HDAC4: variants seen among roughly 807,000 people sequenced by gnomAD.
HDAC4 encodes histone deacetylase A.
In HDAC4, 16 loss-of-function variants were observed where a neutral mutation model predicts 135.1. That is an observed-to-expected ratio of 0.12 (90% CI 0.08 to 0.18). HDAC4 has a LOEUF of 0.18. HDAC4 is among the 10% of genes least tolerant of loss of function. The pLI, the probability that HDAC4 is intolerant of heterozygous loss-of-function variation, is 1.00. For synonymous variants in HDAC4, 685 were observed against 653.4 expected (o/e 1.05, Z -0.74); for missense variants, 1,143 against 1,511.8 (o/e 0.76, Z 4.05).
chr2:239,374,428 G>T (rs1357293324), intron 1 of HDAC4, among the ~76,000 whole-genome samples: 2 of 101,856 alleles, frequency 2.0e-5, no homozygotes, highest in East Asian at 2.7e-4. Flanking sequence ...TTTTGAGACG[G>T]AGTCTCGCTC....
At chr2:239,374,386 C>CTTT (rs755538495) in intron 1 of HDAC4, among the ~76,000 whole-genome samples, 768 of 56,714 alleles carry the variant, frequency 0.014, 144 homozygotes, top group Non-Finnish European at 0.017. Context: ...GAAAACAAGG[C>CTTT]TTTTTTTTTT....
Position 239,245,505 on chromosome 2 carries a change from G to A in HDAC4, c.23-8841C>T, listed in dbSNP as rs1161064561. ...TGTAGGAATCATGATTCCTTCTGCT[G>A]AGTGTGATAATGGGGTTGGATCTGT... On this transcript the variant is annotated intron_variant, in intron 2 of 26. Transcript: ENST00000543185. This position sits in a 1 kb window ranked among gnomAD's most constrained non-coding sequence, Gnocchi z 4.4. Among the ~76,000 whole-genome samples the A allele has an allele frequency of 6.6e-6, 1 of 152,186 alleles. No individual in the cohort carries two copies. Among genetic ancestry groups the A allele is most frequent in the Non-Finnish European group, 1.5e-5 (1 of 68,030 alleles).
intron 1 of HDAC4, among the ~76,000 whole-genome samples, chr2:239,360,315 G>A (rs989191819): frequency 6.6e-6 from 1 of 152,214 alleles, no homozygotes; most frequent in Non-Finnish European, 1.5e-5. Context: ...ACAGACAGCC[G>A]CAAGGGGACC....
At chr2:239,210,843 G>A (rs557962887) in intron 3 of HDAC4, among the ~76,000 whole-genome samples, 54 of 152,286 alleles carry the variant, frequency 3.5e-4, no homozygotes, top group African/African-American at 1.2e-3. Flanking sequence ...GAACCCTCTC[G>A]AGTGAAAACC....
intron 1 of HDAC4, among the ~76,000 whole-genome samples, chr2:239,391,321 C>G (rs1696190779): frequency 6.6e-6 from 1 of 152,204 alleles, no homozygotes; most frequent in South Asian, 2.1e-4. Flanking sequence ...CAGACGAGAG[C>G]TTGTTCTCAA....
chr2:239,128,832 C>G lies in HDAC4; in HGVS notation c.1295-2138G>C, dbSNP rs3791456. Among the ~76,000 whole-genome samples the G allele has an allele frequency of 7.1e-3, 1,081 of 152,278 alleles. 23 individuals carry two copies. Among genetic ancestry groups the G allele is most frequent in the African/African-American group, 0.024 (1,000 of 41,546 alleles). Reference sequence around the variant, plus strand: ...TGACCCTCTGCAGAGGAGAAGGACACGCCAACTTCATAGGATTCAGCTTCC... The same window carrying G: ...TGACCCTCTGCAGAGGAGAAGGACAGGCCAACTTCATAGGATTCAGCTTCC... On this transcript the variant is annotated intron_variant, in intron 11 of 26. Coordinates refer to ENST00000543185, the MANE Select transcript of HDAC4 (RefSeq NM_001378414.1).
intron 24 of HDAC4, among the ~76,000 whole-genome samples, chr2:239,061,776 C>T (rs1387910777): frequency 2.6e-5 from 4 of 152,268 alleles, no homozygotes; most frequent in Non-Finnish European, 4.4e-5. Context: ...ATAAGCTAAA[C>T]TCCCGGGGGA....
At chr2:239,089,338 G>GT (rs960941915) in intron 18 of HDAC4, among the ~76,000 whole-genome samples, 28 of 151,970 alleles carry the variant, frequency 1.8e-4, no homozygotes, top group Non-Finnish European at 3.2e-4. Flanking sequence ...TAATTTTTTA[G>GT]TTTTTTTTGA....
intron 2 of HDAC4, among the ~76,000 whole-genome samples, chr2:239,322,641 T>G (rs112578946): frequency 2.7e-4 from 41 of 152,338 alleles, no homozygotes; most frequent in African/African-American, 9.6e-4. Flanking sequence ...ACCCCAGTGC[T>G]TACAGCAGCC....
chr2:239,144,303 C>T (rs925273240), intron 8 of HDAC4, among the ~76,000 whole-genome samples: 5 of 152,212 alleles, frequency 3.3e-5, no homozygotes, highest in Non-Finnish European at 7.3e-5. Context: ...ACTGCATCTC[C>T]CGCAGTGCCA....
intron 9 of HDAC4, among the ~76,000 whole-genome samples, chr2:239,135,770 A>C (rs1182742990): frequency 3.9e-5 from 6 of 152,220 alleles, no homozygotes; most frequent in Non-Finnish European, 7.3e-5. Context: ...CCTTGGTGTT[A>C]ACAGAACGGA....
intron 2 of HDAC4, among the ~76,000 whole-genome samples, chr2:239,323,913 C>G (rs1200069916): frequency 3.3e-5 from 5 of 152,108 alleles, no homozygotes; most frequent in Non-Finnish European, 7.4e-5. Flanking sequence ...AAATATTTAA[C>G]TTAAAAAAGA....
At chr2:239,236,720 C>T in intron 2 of HDAC4, 56 bp from the exon 3 acceptor site, 10 of 1,331,230 alleles carry the variant, frequency 7.5e-6, no homozygotes, top group Non-Finnish European at 8.5e-6. Flanking sequence ...AGCCAACATA[C>T]TTTATGCTGG....
chr2:239,237,557 C>T (rs2047953000), intron 2 of HDAC4, among the ~76,000 whole-genome samples: 1 of 149,486 alleles, frequency 6.7e-6, no homozygotes, highest in Non-Finnish European at 1.5e-5. Context: ...ACAAAAACGA[C>T]TAACATCAGG....
rs762731943 is a variant in HDAC4 at position 239,134,605 on chromosome 2, C to T, written c.1017G>A (p.Ser339=). 2.2e-5 allele frequency: 36 copies of T among 1,613,934 alleles called. No individual in the cohort carries two copies. The highest frequency in any genetic ancestry group is 2.0e-4 in the South Asian group (18 of 91,080). The change falls in exon 10 of 27, where the codon TCG becomes TCA. Residue 339 remains serine (S), a synonymous_variant. Coordinates refer to ENST00000543185, the MANE Select transcript of HDAC4 (RefSeq NM_001378414.1). ...ATGTGTAGAGGGGAAGTGGAGCGGC[C>T]GAGCCTTCTCGTGCCACAAGTCTGT... The part of the protein sequence containing the change: ...LAHRLVAREG[S]AAPLPLYTSP...
chr2:239,085,072 ACT>A (rs1553609626), intron 19 of HDAC4, among the ~76,000 whole-genome samples: 1 of 142,220 alleles, frequency 7.0e-6, no homozygotes, highest in Non-Finnish European at 1.5e-5. Flanking sequence ...ACACACACAC[ACT>A]CTCCTGCTTG....
chr2:239,373,483 T>C (rs1233381892), intron 1 of HDAC4, among the ~76,000 whole-genome samples: 1 of 148,590 alleles, frequency 6.7e-6, no homozygotes, highest in Non-Finnish European at 1.5e-5. Context: ...TGTTTGTTTG[T>C]TTTGAGACAG....
intron 17 of HDAC4, chr2:239,094,545 C>T (rs1435940899): frequency 9.4e-7 from 1 of 1,062,592 alleles, no homozygotes; most frequent in Non-Finnish European, 1.1e-6. Flanking sequence ...GAAGCCAGCA[C>T]AGCCCAGCGA....
chr2:239,204,211 G>A (rs775703237), intron 3 of HDAC4, among the ~76,000 whole-genome samples: 36 of 152,180 alleles, frequency 2.4e-4, no homozygotes, highest in Admixed American at 4.6e-4. Context: ...CTGGCCGGCC[G>A]TGTCCCGGCG....
Sources: gnomAD v4.1 joint callset for allele counts (sites outside exome capture counted in the v4.1 genomes callset) on GRCh38, gnomAD v4.1.1 for gene constraint, Gnocchi (gnomAD v3.1) non-coding constraint, MANE v1.5 for transcripts, NCBI Gene and HGNC (gene_info 2026-07-23, HGNC 2026-07-21) for gene names.